Variants in PHF19 observed in about 807,000 individuals in gnomAD.
PHF19 encodes polycomb like 3.
PHF19 carries 21 observed loss-of-function variants against 79.8 expected under a neutral mutation model. That is an observed-to-expected ratio of 0.26 (90% CI 0.19 to 0.38). The LOEUF (loss-of-function observed/expected upper bound fraction) is 0.38. Among genes scored for constraint, PHF19 ranks in the 10% least tolerant of loss-of-function variants. The probability of loss-of-function intolerance (pLI) is 1.00; values close to 1 mark genes in which losing one functional copy is unlikely to be tolerated. For synonymous variants in PHF19, 273 were observed against 296.3 expected, an observed-to-expected ratio of 0.92 and a Z score of 0.81; for missense variants, 445 against 744.2, an observed-to-expected ratio of 0.60 and a Z score of 4.68.
chr9:120,859,688 G>A (rs1169414417), intron 14 of PHF19, among the ~76,000 whole-genome samples: 1 of 152,126 alleles, frequency 6.6e-6, no homozygotes, highest in Non-Finnish European at 1.5e-5. Flanking sequence ...ACCATATTCA[G>A]ACAGCCAAGA....
At chr9:120,897,635 A>T (rs534190169), upstream of PHF19, among the ~76,000 whole-genome samples, 42 of 151,908 alleles carry the variant, frequency 2.8e-4, no homozygotes, top group African/African-American at 9.2e-4. Context: ...AACCTATCAA[A>T]TTTTTTTTTA....
rs780209501 is a variant in PHF19, at chr9:120,861,193, G to C, written c.1219-19C>G. The stretch of plus-strand genomic sequence containing the variant: ...AGTCACTCTGTGGACACAGGAAGGA[G>C]AGAGGAAGGGTCAGACAGCGAGTAT... On this transcript the variant is annotated intron_variant, in intron 12 of 14. Transcript: ENST00000373896. 7.1e-6 allele frequency: 10 copies of C among 1,414,026 alleles called. No homozygotes were observed. Among genetic ancestry groups the C allele is most frequent in the Non-Finnish European group, 1.0e-5 (10 of 997,484 alleles). 87.6% of individuals were successfully genotyped at this position (1,414,026 alleles called of 1,614,324 possible).
chr9:120,894,653 G>T, intron 1 of PHF19: 1 of 311,048 alleles, frequency 3.2e-6, no homozygotes. Context: ...CTGCGAGCCA[G>T]GGCAGCCCCG....
intron 14 of PHF19, 97 bp from the exon 15 acceptor site, chr9:120,858,383 G>A: frequency 1.1e-6 from 1 of 913,750 alleles, no homozygotes; most frequent in Non-Finnish European, 1.6e-6. Flanking sequence ...CAGGAAAGTG[G>A]AAGAGAAAAG....
intron 1 of PHF19, among the ~76,000 whole-genome samples, chr9:120,886,439 G>T (rs538100247): frequency 2.0e-5 from 3 of 152,350 alleles, no homozygotes; most frequent in East Asian, 1.9e-4. Flanking sequence ...GAAAGTGGGT[G>T]GGGGGAAGCA....
the PHF19 span, among the ~76,000 whole-genome samples, chr9:120,901,926 A>G: frequency 2.0e-5 from 3 of 152,184 alleles, no homozygotes; most frequent in Admixed American, 6.5e-5. Context: ...GTTTTGCTTC[A>G]TCAACTACAG....
rs780209501 is a variant in PHF19, at chr9:120,861,193, G to A, written c.1219-19C>T. 9.2e-6 allele frequency: 13 copies of A among 1,413,910 alleles called. No homozygotes were observed. Among genetic ancestry groups the A allele is most frequent in the South Asian group, 1.1e-5 (1 of 87,046 alleles). 87.6% of individuals were successfully genotyped at this position (1,413,910 alleles called of 1,614,324 possible). A position where few individuals can be genotyped will look rare whatever the true frequency, so the allele number is the denominator to read the frequency against. On this transcript the variant is annotated intron_variant, in intron 12 of 14. Coordinates refer to ENST00000373896, the MANE Select transcript of PHF19 (RefSeq NM_015651.3). ...AGTCACTCTGTGGACACAGGAAGGA[G>A]AGAGGAAGGGTCAGACAGCGAGTAT...
intron 1 of PHF19, among the ~76,000 whole-genome samples, chr9:120,882,277 G>C (rs1201715841): frequency 6.6e-6 from 1 of 152,158 alleles, no homozygotes; most frequent in Non-Finnish European, 1.5e-5. Context: ...CTGAGAGAAG[G>C]TTCCCTGCCT....
intron 1 of PHF19, among the ~76,000 whole-genome samples, chr9:120,889,205 A>T (rs1023829504): frequency 3.3e-5 from 5 of 152,148 alleles, no homozygotes; most frequent in African/African-American, 1.2e-4. Context: ...AGGCGGGCGG[A>T]TCACGAGGTC....
intron 1 of PHF19, among the ~76,000 whole-genome samples, chr9:120,890,085 C>T (rs915726749): frequency 2.6e-5 from 4 of 152,222 alleles, no homozygotes; most frequent in African/African-American, 9.6e-5. Context: ...CAGGCAGCTT[C>T]TCATCTCAGT....
At chr9:120,859,964 C>T in intron 14 of PHF19, 126 bp downstream of exon 14, 1 of 651,380 alleles carries the variant, frequency 1.5e-6, no homozygotes, top group South Asian at 1.7e-5. Context: ...TGCAGAAGGC[C>T]AGGTACTCCC....
rs149064357 is a variant in PHF19, at chr9:120,869,837, A to G, written c.465+8T>C. ...AGAGGCAGGGACTGGGGAGGATGGAAGGCTCACCCGCACAGCCAGTGCGAA... is the reference window on the plus strand; with the variant it reads ...AGAGGCAGGGACTGGGGAGGATGGAGGGCTCACCCGCACAGCCAGTGCGAA... On this transcript the variant is annotated splice_region_variant and intron_variant, in intron 5 of 14. Coordinates refer to ENST00000373896, the MANE Select transcript of PHF19 (RefSeq NM_015651.3). The surrounding 1 kb of genome is among the most constrained non-coding windows in gnomAD (Gnocchi z 5.8). 3.1e-6 allele frequency: 5 copies of G among 1,612,814 alleles called. No homozygotes were observed. The highest frequency in any genetic ancestry group is 3.4e-6 in the Non-Finnish European group (4 of 1,179,618).
rs1170243737 is a variant in PHF19, at chr9:120,872,037, C to CAAAAAAAAA, written c.269-1508_269-1500dup. 7.6e-4 allele frequency among the ~76,000 whole-genome samples: 23 copies of CAAAAAAAAA among 30,326 alleles called. 3 individuals are homozygous for CAAAAAAAAA. The highest frequency in any genetic ancestry group is 1.9e-3 in the African/African-American group (14 of 7,534). 19.9% of individuals were successfully genotyped at this position (30,326 alleles called of 152,430 possible). On this transcript the variant is annotated intron_variant, in intron 3 of 14. Coordinates refer to ENST00000373896, the MANE Select transcript of PHF19 (RefSeq NM_015651.3). ...TGGGTGACAGAGCAAGACTCTGTCT[C>CAAAAAAAAA]AAAAAAAAAAAAAAAAAAAAAAAAA...
intron 1 of PHF19, among the ~76,000 whole-genome samples, chr9:120,886,805 C>A (rs1231167392): frequency 6.6e-6 from 1 of 152,198 alleles, no homozygotes; most frequent in African/African-American, 2.4e-5. Flanking sequence ...GTGTCGCTGT[C>A]AAGGCATCTT....
At position 120,894,697 on chromosome 9, in the gene PHF19, C is replaced by A. The variant is rs541543571; in HGVS notation, c.42+91G>T. On this transcript the variant is annotated intron_variant, in intron 1 of 14. Transcript: ENST00000616568. ...GAATGCGAGCGCCGCTCAATGCGTT[C>A]CATATGGCGGCGGCGCGGGCCCACC... 1.0e-3 allele frequency: 513 copies of A among 500,300 alleles called. 4 individuals carry two copies. The East Asian group carries it at 0.02, about 19-fold the overall frequency. 31.0% of individuals were successfully genotyped at this position (500,300 alleles called of 1,614,324 possible). A position where few individuals can be genotyped will look rare whatever the true frequency, so the allele number is the denominator to read the frequency against.
In PHF19 at chr9:120,866,816, C is replaced by T; in HGVS notation, c.710+54G>A. 2.1e-6 allele frequency: 2 copies of T among 960,800 alleles called. No individual in the cohort carries two copies. The highest frequency in any genetic ancestry group is 3.4e-6 in the Non-Finnish European group (2 of 584,982). The allele number at this position is 960,800 out of a possible 1,614,324, so 59.5% of individuals were successfully genotyped here. A position where few individuals can be genotyped will look rare whatever the true frequency, so the allele number is the denominator to read the frequency against. ...AACCTGCAGGAGTTGTTGCTGCCAT[C>T]CCTGCCCTCTCCCCACCACGCCCAA... On this transcript the variant is annotated intron_variant, in intron 7 of 14. Coordinates refer to ENST00000373896, the MANE Select transcript of PHF19 (RefSeq NM_015651.3). This position sits in a 1 kb window ranked among gnomAD's most constrained non-coding sequence, Gnocchi z 5.2.
At chr9:120,889,995 CA>C (rs1298679989) in intron 1 of PHF19, among the ~76,000 whole-genome samples, 6 of 152,170 alleles carry the variant, frequency 3.9e-5, no homozygotes, top group Non-Finnish European at 5.9e-5. Flanking sequence ...CCACAGCTCA[CA>C]AAATTGCATG....
In PHF19 at chr9:120,857,494, T is replaced by A. The variant is rs1381617787; in HGVS notation, c.*450A>T. ...TCTCTCAAAGGTGCCTGTTATGTAGTCCCTGGGAGGACTGGCTGCCCCACG... is the reference window on the plus strand; with the variant it reads ...TCTCTCAAAGGTGCCTGTTATGTAGACCCTGGGAGGACTGGCTGCCCCACG... On this transcript the variant is annotated 3_prime_UTR_variant, in exon 15 of 15. Transcript: ENST00000373896. 1 of 159,472 alleles carries A rather than the reference T, an allele frequency of 6.3e-6. No individual in the cohort carries two copies. 9.9% of individuals were successfully genotyped at this position (159,472 alleles called of 1,614,324 possible).
chr9:120,881,149 G>GTT (rs1182115413), upstream of PHF19, among the ~76,000 whole-genome samples: 8 of 133,666 alleles, frequency 6.0e-5, no homozygotes, highest in East Asian at 2.2e-4. Context: ...TCGGGGGTTT[G>GTT]TTTTTTTTTT....
Sources: allele counts gnomAD v4.1 joint callset (sites outside exome capture counted in the v4.1 genomes callset), GRCh38; gene constraint gnomAD v4.1.1; non-coding constraint Gnocchi (gnomAD v3.1); transcripts MANE v1.5; gene names NCBI Gene and HGNC (gene_info 2026-07-23, HGNC 2026-07-21).